Variants in KCNAB1 observed in about 807,000 individuals in gnomAD.
KCNAB1 encodes the protein potassium voltage-gated channel subfamily A regulatory beta subunit 1, also known as voltage-gated potassium channel subunit beta-1.
A neutral mutation model predicts 64.6 loss-of-function variants in KCNAB1; 35 were observed. The observed-to-expected ratio is 0.54, with a 90% CI of 0.41 to 0.72. The LOEUF (loss-of-function observed/expected upper bound fraction) is 0.72, where lower values mean the gene tolerates loss of function less well. Ranked by LOEUF, KCNAB1 falls within the 30% of genes least tolerant of loss-of-function variation. The probability of loss-of-function intolerance (pLI) is 0.00; values close to 1 mark genes in which losing one functional copy is unlikely to be tolerated. For missense variants in KCNAB1, 401 were observed against 512.9 expected (o/e 0.78, Z 2.11); for synonymous variants, 177 against 183.8 (o/e 0.96, Z 0.30).
chr3:156,287,050 C>T (rs773803864), intron 1 of KCNAB1, among the ~76,000 whole-genome samples: 5 of 152,106 alleles, frequency 3.3e-5, no homozygotes, highest in Admixed American at 2.0e-4. Context: ...AAATGGCACA[C>T]GGGAAGGCGG....
Position 156,374,599 on chromosome 3 carries a change from T to C in KCNAB1, c.276-47017T>C, listed in dbSNP as rs911324911. ...TGGCTTATGGAAATTGCAGCGGAAA[T>C]AGCAGCCTTGGTGGTTGCATGGGTA... On this transcript the variant is annotated intron_variant, in intron 1 of 13. Transcript: ENST00000490337. Among the ~76,000 whole-genome samples the C allele has an allele frequency of 1.3e-4, 18 of 135,400 alleles. 4 individuals carry two copies. Among genetic ancestry groups the C allele is most frequent in the African/African-American group, 5.6e-4 (17 of 30,216 alleles). The allele number at this position is 135,400 out of a possible 152,430, so 88.8% of individuals were successfully genotyped here.
chr3:156,275,601 G>A (rs1286099726), intron 1 of KCNAB1, among the ~76,000 whole-genome samples: 1 of 152,136 alleles, frequency 6.6e-6, no homozygotes, highest in Non-Finnish European at 1.5e-5. Flanking sequence ...GATCAACCAA[G>A]CTTACGGAAT....
intron 8 of KCNAB1, among the ~76,000 whole-genome samples, chr3:156,491,253 C>T (rs761909016): frequency 9.2e-5 from 14 of 152,014 alleles, no homozygotes; most frequent in Non-Finnish European, 1.5e-4. Flanking sequence ...GGAAGGAAAA[C>T]GCCAAGAGGA....
intron 2 of KCNAB1, among the ~76,000 whole-genome samples, chr3:156,442,191 T>C (rs1459509009): frequency 6.6e-6 from 1 of 152,202 alleles, no homozygotes; most frequent in Non-Finnish European, 1.5e-5. Context: ...CTACATATCA[T>C]GAATTCTAAG....
chr3:156,142,078 G>T (rs75875113), intron 1 of KCNAB1, among the ~76,000 whole-genome samples: 2,742 of 152,128 alleles, frequency 0.018, 196 homozygotes, highest in Admixed American at 0.13. Context: ...CATATCTTTT[G>T]CCCGTTTACC....
At chr3:156,507,218 A>G (rs548460611) in intron 8 of KCNAB1, among the ~76,000 whole-genome samples, 3 of 152,344 alleles carry the variant, frequency 2.0e-5, no homozygotes, top group Admixed American at 6.5e-5. Flanking sequence ...ATGGGATTCA[A>G]ATATTCCCAC....
intron 1 of KCNAB1, among the ~76,000 whole-genome samples, chr3:156,129,155 AT>A (rs797002229): frequency 3.6e-4 from 54 of 149,868 alleles, no homozygotes; most frequent in African/African-American, 9.8e-4. Context: ...TCAGTCGTTG[AT>A]TTTTTTTTTC....
intron 12 of KCNAB1, among the ~76,000 whole-genome samples, 157 bp from the exon 13 acceptor site, chr3:156,531,252 G>T (rs1458180499): frequency 6.6e-6 from 1 of 152,126 alleles, no homozygotes; most frequent in Non-Finnish European, 1.5e-5. Flanking sequence ...ACAACAGGGG[G>T]TGCTGCTCAG....
At chr3:156,388,031 A>G (rs1262305620) in intron 1 of KCNAB1, among the ~76,000 whole-genome samples, 1 of 152,234 alleles carries the variant, frequency 6.6e-6, no homozygotes, top group Non-Finnish European at 1.5e-5. Context: ...TCATTTCTGT[A>G]GAAAAGACAT....
rs553198243 is a variant in KCNAB1, at chr3:156,286,125, C to A, written c.276-135491C>A. ...GAGGGTAGACATCTGGAAGTTTGTTCTATTCAGCAGAGCCTTGATATTTCC... is the reference window on the plus strand; with the variant it reads ...GAGGGTAGACATCTGGAAGTTTGTTATATTCAGCAGAGCCTTGATATTTCC... On this transcript the variant is annotated intron_variant, in intron 1 of 13. Coordinates refer to ENST00000490337, the MANE Select transcript of KCNAB1 (RefSeq NM_172160.3). Among the ~76,000 whole-genome samples, 10 of 152,308 alleles carry A rather than the reference C, an allele frequency of 6.6e-5. No individual in the cohort carries two copies. In the East Asian group the frequency reaches 1.2e-3, roughly 18 times the overall value.
intron 1 of KCNAB1, among the ~76,000 whole-genome samples, chr3:156,171,168 T>A (rs1711953864): frequency 7.2e-6 from 1 of 139,476 alleles, no homozygotes. Context: ...GAGCACCGGC[T>A]TATAGTTAGA....
chr3:156,123,201 T>C (rs1264679670), intron 1 of KCNAB1, among the ~76,000 whole-genome samples: 3 of 152,246 alleles, frequency 2.0e-5, no homozygotes, highest in Non-Finnish European at 2.9e-5. Context: ...TATCCACCTG[T>C]GAAGCATTAC....
At chr3:156,479,530 T>C (rs1010503872) in intron 8 of KCNAB1, among the ~76,000 whole-genome samples, 1 of 152,120 alleles carries the variant, frequency 6.6e-6, no homozygotes, top group Non-Finnish European at 1.5e-5. Context: ...ACTGTGGTCA[T>C]GAAAGGAAGG....
At chr3:156,261,194 A>G (rs563530366) in intron 1 of KCNAB1, among the ~76,000 whole-genome samples, 221 of 152,152 alleles carry the variant, frequency 1.5e-3, no homozygotes, top group African/African-American at 5.1e-3. Flanking sequence ...CTTTTCATTT[A>G]CTTAATGATA....
At chr3:156,137,901 T>C (rs1463469291) in intron 1 of KCNAB1, among the ~76,000 whole-genome samples, 1 of 151,974 alleles carries the variant, frequency 6.6e-6, no homozygotes, top group Non-Finnish European at 1.5e-5. Flanking sequence ...CTCCCACCCT[T>C]TACCTTTACT....
At chr3:156,352,844 T>G (rs1487780507) in intron 1 of KCNAB1, among the ~76,000 whole-genome samples, 1 of 152,232 alleles carries the variant, frequency 6.6e-6, no homozygotes, top group Non-Finnish European at 1.5e-5. Flanking sequence ...CTGCCCTGTT[T>G]CCTGGCAGAC....
intron 1 of KCNAB1, among the ~76,000 whole-genome samples, chr3:156,304,374 GC>G (rs1721349839): frequency 6.6e-6 from 1 of 152,204 alleles, no homozygotes; most frequent in Admixed American, 6.5e-5. Context: ...GGGGAAGCAA[GC>G]GATGTTATGC....
At chr3:156,518,858 A>T (rs1717746286) in intron 11 of KCNAB1, among the ~76,000 whole-genome samples, 1 of 152,182 alleles carries the variant, frequency 6.6e-6, no homozygotes, top group Admixed American at 6.5e-5. Flanking sequence ...TCTATTAGAC[A>T]TCTCCAAGTA....
At chr3:156,260,183 C>G (rs1205462806) in intron 1 of KCNAB1, among the ~76,000 whole-genome samples, 2 of 152,106 alleles carry the variant, frequency 1.3e-5, no homozygotes, top group East Asian at 3.8e-4. Context: ...TTGCTTCTGA[C>G]GTGTAAAGGA....
Sources: allele counts gnomAD v4.1 joint callset (sites outside exome capture counted in the v4.1 genomes callset), GRCh38; gene constraint gnomAD v4.1.1; transcripts MANE v1.5; gene names NCBI Gene and HGNC (gene_info 2026-07-23, HGNC 2026-07-21).